Variants in TMCC3 observed in about 807,000 individuals in gnomAD.
TMCC3 encodes the protein transmembrane and coiled-coil domain family 3, also known as transmembrane and coiled-coil domain protein 3.
In TMCC3, 28 loss-of-function variants were observed where a neutral mutation model predicts 40.2. The ratio of observed to expected loss-of-function variants is 0.70; its 90% CI spans 0.52 to 0.95. The LOEUF (loss-of-function observed/expected upper bound fraction) is 0.95, where lower values mean the gene tolerates loss of function less well. Ranked by LOEUF, TMCC3 falls within the 40% of genes least tolerant of loss-of-function variation. The probability of loss-of-function intolerance (pLI) is 0.00; values close to 1 mark genes in which losing one functional copy is unlikely to be tolerated. For synonymous variants in TMCC3, 255 were observed against 248.5 expected (o/e 1.03, Z -0.25); for missense variants, 554 against 615.2 (o/e 0.90, Z 1.05).
chr12:94,571,366 T>G lies in TMCC3; in HGVS notation c.*69A>C, dbSNP rs571025198. On this transcript the variant is annotated 3_prime_UTR_variant, in exon 4 of 4. Coordinates refer to ENST00000261226, the MANE Select transcript of TMCC3 (RefSeq NM_020698.4). ...TCCGCACAATCATTCACTGTAAAAT[T>G]TGGTAGTATGCACAGAGTTTTCTTT... The G allele has an allele frequency of 2.3e-4, 342 of 1,500,832 alleles. No individual in the cohort carries two copies. The highest frequency in any genetic ancestry group is 8.9e-4 in the Middle Eastern group (5 of 5,608). 93.0% of individuals were successfully genotyped at this position (1,500,832 alleles called of 1,614,324 possible).
At chr12:94,586,271 G>A (rs1376193352) in intron 1 of TMCC3, among the ~76,000 whole-genome samples, 1 of 152,172 alleles carries the variant, frequency 6.6e-6, no homozygotes, top group Admixed American at 6.5e-5. Context: ...AGTGAAATAA[G>A]TACTCGATGA....
intron 1 of TMCC3, among the ~76,000 whole-genome samples, chr12:94,635,079 A>G (rs1237279728): frequency 6.6e-6 from 1 of 152,246 alleles, no homozygotes; most frequent in Non-Finnish European, 1.5e-5. Flanking sequence ...AAGCGCATCT[A>G]GTGATATTTA....
chr12:94,632,191 G>A (rs1003072809), intron 1 of TMCC3, among the ~76,000 whole-genome samples: 1 of 152,232 alleles, frequency 6.6e-6, no homozygotes, highest in Non-Finnish European at 1.5e-5. Context: ...ACTTTCCGGG[G>A]TGATAGAAAT....
At position 94,582,175 on chromosome 12, in the gene TMCC3, C is replaced by A. The variant is rs757101563; in HGVS notation, c.442G>T (p.Ala148Ser). Residue 148 changes from alanine (A) to serine (S), a missense_variant, in exon 2 of 4, where the codon GCC (alanine) becomes TCC (serine). Ala to Ser is a moderately conservative substitution (Grantham distance 99). Coordinates refer to ENST00000261226, the MANE Select transcript of TMCC3 (RefSeq NM_020698.4). ...GAAATGTCCTTTGAGCTCCTAGAGG[C>A]TCCATTCTGCTCGATCTCTCTGAGC... is the stretch of plus-strand genomic sequence containing the variant. ...RKLREIEQNG[A>S]SRSSKDISKD... The A allele has an allele frequency of 3.7e-6, 6 of 1,614,114 alleles. No homozygotes were observed. The highest frequency in any genetic ancestry group is 5.1e-6 in the Non-Finnish European group (6 of 1,180,034).
intron 1 of TMCC3, among the ~76,000 whole-genome samples, chr12:94,615,770 G>A (rs2068844334): frequency 6.6e-6 from 1 of 152,180 alleles, no homozygotes; most frequent in Non-Finnish European, 1.5e-5. Context: ...GAGAAATTAG[G>A]GAGGGATTTG....
Position 94,644,502 on chromosome 12 carries a change from G to T in TMCC3, c.78+5851C>A, listed in dbSNP as rs767470062. On this transcript the variant is annotated intron_variant, in intron 1 of 3. Coordinates refer to ENST00000261226, the MANE Select transcript of TMCC3 (RefSeq NM_020698.4). ...GATCTCTACAGCGGATGTGACAGGCGGGTGAGCTGGTGGTGGCCGGCAGTT... is the reference window on the plus strand; with the variant it reads ...GATCTCTACAGCGGATGTGACAGGCTGGTGAGCTGGTGGTGGCCGGCAGTT... 1.4e-4 allele frequency: 126 copies of T among 920,176 alleles called. 1 individual carries two copies. Among genetic ancestry groups the T allele is most frequent in the Middle Eastern group, 5.5e-4 (1 of 1,808 alleles). The allele number at this position is 920,176 out of a possible 1,614,324, so 57.0% of individuals were successfully genotyped here.
chr12:94,636,098 G>A (rs2068959527), intron 1 of TMCC3, among the ~76,000 whole-genome samples: 1 of 152,120 alleles, frequency 6.6e-6, no homozygotes, highest in Admixed American at 6.6e-5. Context: ...CATGGAAAAA[G>A]TAGACATTTA....
chr12:94,571,547 T>C lies in TMCC3; in HGVS notation c.1322A>G (p.Lys441Arg), dbSNP rs749053051. 1 of 1,614,156 alleles carries C rather than the reference T, an allele frequency of 6.2e-7. No homozygotes were observed. Among genetic ancestry groups the C allele is most frequent in the Non-Finnish European group, 8.5e-7 (1 of 1,180,036 alleles). Residue 441 changes from lysine to arginine, a missense_variant, in exon 4 of 4, where the codon AAG becomes AGG. Coordinates refer to ENST00000261226, the MANE Select transcript of TMCC3 (RefSeq NM_020698.4). ...GGTGCCAAGAATGTGGCAGCGACTC[T>C]TCATCATGGGTGAGACGAACTTCGC... ...TIAKFVSPMM[K>R]SRCHILGTFF...
intron 1 of TMCC3, among the ~76,000 whole-genome samples, chr12:94,593,214 A>T (rs900395946): frequency 1.3e-5 from 2 of 150,792 alleles, no homozygotes; most frequent in African/African-American, 4.9e-5. Flanking sequence ...AAGAAAAAAC[A>T]AAAAGAGCCA....
At chr12:94,582,727 A>G (rs2068612778) in intron 1 of TMCC3, among the ~76,000 whole-genome samples, 189 bp from the exon 2 acceptor site, 1 of 152,030 alleles carries the variant, frequency 6.6e-6, no homozygotes, top group Non-Finnish European at 1.5e-5. Flanking sequence ...TCCTGCATCC[A>G]TCTACACTAA....
Position 94,582,491 on chromosome 12 carries a change from G to A in TMCC3, c.126C>T (p.Arg42=), listed in dbSNP as rs749600522. ...MNTLSLPLNI[R]RGGSDTNLNF... is the part of the protein sequence containing the mutation. Reference sequence around the variant, plus strand: ...TGAGGTTGGTGTCTGACCCCCCTCGGCGTATGTTCAGGGGCAGGCTTAAGG... The same window carrying A: ...TGAGGTTGGTGTCTGACCCCCCTCGACGTATGTTCAGGGGCAGGCTTAAGG... The change falls in exon 2 of 4, where the codon CGC becomes CGT. Residue 42 remains arginine (R), a synonymous_variant. Coordinates refer to ENST00000261226, the MANE Select transcript of TMCC3 (RefSeq NM_020698.4). 9.3e-6 allele frequency: 15 copies of A among 1,613,600 alleles called. No homozygotes were observed. The highest frequency in any genetic ancestry group is 1.3e-5 in the Non-Finnish European group (15 of 1,179,972).
intron 1 of TMCC3, among the ~76,000 whole-genome samples, chr12:94,597,542 C>T (rs976679559): frequency 6.6e-5 from 10 of 151,606 alleles, no homozygotes; most frequent in African/African-American, 1.5e-4. Context: ...CAGCAGCTCA[C>T]GCCTGTAATC....
intron 1 of TMCC3, among the ~76,000 whole-genome samples, chr12:94,607,930 T>C (rs1378415624): frequency 3.3e-5 from 5 of 152,250 alleles, no homozygotes; most frequent in Admixed American, 6.5e-5. Context: ...TTCTATACTT[T>C]AATGACTCTG....
intron 1 of TMCC3, among the ~76,000 whole-genome samples, chr12:94,636,965 G>A (rs558981342): frequency 6.6e-6 from 1 of 152,230 alleles, no homozygotes; most frequent in East Asian, 1.9e-4. Flanking sequence ...CCAGGCCTAT[G>A]GAAACTCTGA....
At chr12:94,595,032 G>A (rs1189131739) in intron 1 of TMCC3, among the ~76,000 whole-genome samples, 1 of 152,164 alleles carries the variant, frequency 6.6e-6, no homozygotes, top group East Asian at 1.9e-4. Flanking sequence ...TAACAAGGGT[G>A]TGCAGTGTTA....
chr12:94,579,755 T>A (rs551581834), intron 2 of TMCC3, among the ~76,000 whole-genome samples: 1 of 152,342 alleles, frequency 6.6e-6, no homozygotes, highest in Admixed American at 6.5e-5. Flanking sequence ...CTGCTGTGAA[T>A]AAGCCTTTAA....
At chr12:94,636,666 TTAAAAGAGGATCTAGAAG>T (rs2068962497) in intron 1 of TMCC3, among the ~76,000 whole-genome samples, 2 of 152,234 alleles carry the variant, frequency 1.3e-5, no homozygotes, top group Admixed American at 1.3e-4. Context: ...GGTGAACTCC[TTAAAAGAGGATCTAGAAG>T]TAAAAGACAA....
chr12:94,643,429 T>C (rs2069001777), intron 1 of TMCC3, among the ~76,000 whole-genome samples: 1 of 152,198 alleles, frequency 6.6e-6, no homozygotes, highest in African/African-American at 2.4e-5. Context: ...AGGCATGTCT[T>C]GAACTCCATG....
chr12:94,571,868 C>T (rs1309229540), intron 3 of TMCC3, 131 bp from the exon 4 acceptor site: 12 of 806,806 alleles, frequency 1.5e-5, no homozygotes, highest in South Asian at 7.1e-5. Flanking sequence ...ATCCCCAAAC[C>T]GATGATGATG....
Sources: gnomAD v4.1 joint callset for allele counts (sites outside exome capture counted in the v4.1 genomes callset) on GRCh38, gnomAD v4.1.1 for gene constraint, MANE v1.5 for transcripts, NCBI Gene and HGNC (gene_info 2026-07-23, HGNC 2026-07-21) for gene names.